The following AGBL4 variants were observed in gnomAD, a reference collection of about 807,000 sequenced individuals.
AGBL4 encodes AGBL carboxypeptidase 4, also known as cytosolic carboxypeptidase 6.
AGBL4 carries 58 observed loss-of-function variants against 66.4 expected under a neutral mutation model. The ratio of observed to expected loss-of-function variants is 0.87; its 90% CI spans 0.71 to 1.09. AGBL4 has a LOEUF of 1.09. AGBL4 is among the 50% of genes least tolerant of loss of function. The pLI, the probability that AGBL4 is intolerant of heterozygous loss-of-function variation, is 0.00. For synonymous variants in AGBL4, 234 were observed against 222.9 expected (o/e 1.05, Z -0.44); for missense variants, 579 against 631.0 (o/e 0.92, Z 0.88).
intron 2 of AGBL4, among the ~76,000 whole-genome samples, chr1:49,722,120 G>A (rs1040371070): frequency 7.9e-5 from 12 of 152,262 alleles, no homozygotes; most frequent in Admixed American, 2.6e-4. Context: ...AGAGCTATGA[G>A]CAGGAAGGGA....
At chr1:49,819,204 G>A (rs142237521) in intron 2 of AGBL4, among the ~76,000 whole-genome samples, 138 of 152,230 alleles carry the variant, frequency 9.1e-4, no homozygotes, top group African/African-American at 3.1e-3. Context: ...GAAAATAGAC[G>A]TGGCCATATG....
At chr1:48,801,471 T>C (rs902189337) in intron 6 of AGBL4, among the ~76,000 whole-genome samples, 2 of 152,196 alleles carry the variant, frequency 1.3e-5, no homozygotes, top group African/African-American at 4.8e-5. Context: ...AAGACCCCTG[T>C]GAGATAAAGT....
chr1:49,441,262 G>A (rs983690782), intron 3 of AGBL4, among the ~76,000 whole-genome samples: 2 of 152,172 alleles, frequency 1.3e-5, no homozygotes, highest in African/African-American at 4.8e-5. Context: ...CATGGGAATG[G>A]ATATTAAGGG....
rs1557611798 is a variant in AGBL4 at position 49,950,030 on chromosome 1, G to GTATATATATATACATA, written c.34+73732_34+73733insTATGTATATATATATA. Among the ~76,000 whole-genome samples the GTATATATATATACATA allele has an allele frequency of 1.2e-3, 159 of 131,088 alleles. 2 individuals carry two copies. The highest frequency in any genetic ancestry group is 6.0e-3 in the East Asian group (25 of 4,192). The allele number at this position is 131,088 out of a possible 152,430, so 86.0% of individuals were successfully genotyped here. A position where few individuals can be genotyped will look rare whatever the true frequency, so the allele number is the denominator to read the frequency against. On this transcript the variant is annotated intron_variant, in intron 1 of 13. Coordinates refer to ENST00000371839, the MANE Select transcript of AGBL4 (RefSeq NM_032785.4). ...TATATACACACACATATGTGTGTGTGTGTATATATATACACATATGTGTAT... is the reference window on the plus strand; with the variant it reads ...TATATACACACACATATGTGTGTGTGTATATATATATACATATGTATATATATACACATATGTGTAT...
intron 4 of AGBL4, among the ~76,000 whole-genome samples, chr1:49,070,914 T>C (rs1436601297): frequency 6.6e-6 from 1 of 151,996 alleles, no homozygotes; most frequent in Non-Finnish European, 1.5e-5. Context: ...ATTGCCTCAA[T>C]TTCAGAACCT....
At chr1:49,475,975 G>A (rs1349515219) in intron 3 of AGBL4, among the ~76,000 whole-genome samples, 4 of 151,886 alleles carry the variant, frequency 2.6e-5, no homozygotes, top group Non-Finnish European at 4.4e-5. Flanking sequence ...CTAGCTTTGG[G>A]TTTAGTTTGT....
chr1:49,365,069 T>C (rs527835691), intron 3 of AGBL4, among the ~76,000 whole-genome samples: 8 of 152,340 alleles, frequency 5.3e-5, no homozygotes, highest in African/African-American at 1.7e-4. Flanking sequence ...ACAATTATTG[T>C]TAGTAATTGT....
chr1:49,265,823 ATATG>A (rs1247595074), intron 3 of AGBL4, among the ~76,000 whole-genome samples: 2 of 152,174 alleles, frequency 1.3e-5, no homozygotes, highest in African/African-American at 4.8e-5. Flanking sequence ...ATATATATGA[ATATG>A]TACGTGTGTA....
chr1:49,444,814 T>A (rs1008519320), intron 3 of AGBL4, among the ~76,000 whole-genome samples: 1 of 152,100 alleles, frequency 6.6e-6, no homozygotes, highest in Non-Finnish European at 1.5e-5. Context: ...TCTGTCATAT[T>A]GTTTTCTGCT....
At chr1:49,702,501 A>G (rs1482488409) in intron 2 of AGBL4, among the ~76,000 whole-genome samples, 1 of 152,188 alleles carries the variant, frequency 6.6e-6, no homozygotes, top group African/African-American at 2.4e-5. Context: ...AAAAAATAAA[A>G]TAAAATAACA....
intron 5 of AGBL4, among the ~76,000 whole-genome samples, chr1:49,033,400 A>G (rs1191305944): frequency 6.6e-6 from 1 of 152,162 alleles, no homozygotes; most frequent in Non-Finnish European, 1.5e-5. Context: ...ATTACTTTTC[A>G]TATGTTTGCT....
At chr1:49,661,447 C>T (rs1000085057) in intron 3 of AGBL4, among the ~76,000 whole-genome samples, 1 of 152,028 alleles carries the variant, frequency 6.6e-6, no homozygotes, top group Non-Finnish European at 1.5e-5. Flanking sequence ...TTTGTGTGTT[C>T]AAGCAAGATC....
At chr1:49,265,053 T>G (rs72897738) in intron 3 of AGBL4, among the ~76,000 whole-genome samples, 1,715 of 152,350 alleles carry the variant, frequency 0.011, 27 homozygotes, top group African/African-American at 0.03. Context: ...CAACATTTCC[T>G]TAAAATATTT....
chr1:48,748,830 G>C (rs1352546726), intron 6 of AGBL4, among the ~76,000 whole-genome samples: 1 of 152,076 alleles, frequency 6.6e-6, no homozygotes, highest in African/African-American at 2.4e-5. Flanking sequence ...GTGAGGCCGG[G>C]GTTCTTCAGG....
At chr1:48,857,672 G>C (rs1353618572) in intron 6 of AGBL4, among the ~76,000 whole-genome samples, 1 of 151,952 alleles carries the variant, frequency 6.6e-6, no homozygotes, top group Non-Finnish European at 1.5e-5. Context: ...AGTGAGCCAA[G>C]ATCGCACCGC....
chr1:48,980,253 C>A (rs914703285), intron 5 of AGBL4, among the ~76,000 whole-genome samples: 1 of 152,040 alleles, frequency 6.6e-6, no homozygotes, highest in Non-Finnish European at 1.5e-5. Context: ...GCTATAGGAG[C>A]TAAAAATATA....
chr1:48,945,561 G>A (rs746726193), intron 5 of AGBL4, among the ~76,000 whole-genome samples: 2 of 152,174 alleles, frequency 1.3e-5, no homozygotes, highest in East Asian at 3.8e-4. Context: ...TTATTTCATA[G>A]AGTTGTGAGC....
chr1:48,975,873 A>G (rs1324829125), intron 5 of AGBL4, among the ~76,000 whole-genome samples: 1 of 152,158 alleles, frequency 6.6e-6, no homozygotes, highest in Non-Finnish European at 1.5e-5. Flanking sequence ...ATCAATCAGA[A>G]GTGGGTTGCT....
intron 3 of AGBL4, among the ~76,000 whole-genome samples, chr1:49,503,466 C>T (rs563799767): frequency 1.3e-4 from 20 of 152,214 alleles, no homozygotes; most frequent in South Asian, 8.3e-4. Flanking sequence ...GGCCACTGTC[C>T]TCTGGACCCC....
Sources: gnomAD v4.1 joint callset for allele counts (sites outside exome capture counted in the v4.1 genomes callset) on GRCh38, gnomAD v4.1.1 for gene constraint, MANE v1.5 for transcripts, NCBI Gene and HGNC (gene_info 2026-07-23, HGNC 2026-07-21) for gene names.